The following NME7 variants were observed in gnomAD, a reference collection of about 807,000 sequenced individuals.
NME7 encodes nucleoside diphosphate kinase 7.
A neutral mutation model predicts 49.1 loss-of-function variants in NME7; 41 were observed. The ratio of observed to expected loss-of-function variants is 0.83; its 90% CI spans 0.65 to 1.08. NME7 has a LOEUF of 1.08. NME7 is among the 50% of genes least tolerant of loss of function. The pLI is 0.00. For missense variants in NME7, 423 were observed against 463.4 expected, an observed-to-expected ratio of 0.91 and a Z score of 0.80; for synonymous variants, 139 against 150.6, an observed-to-expected ratio of 0.92 and a Z score of 0.56.
chr1:169,342,997 G>GTATA (rs35893899), intron 1 of NME7, among the ~76,000 whole-genome samples: 1,799 of 44,234 alleles, frequency 0.041, 408 homozygotes, highest in African/African-American at 0.067. Flanking sequence ...ACTTGTATTA[G>GTATA]TATATATATA....
chr1:169,176,852 A>AATGT (rs1301529360), intron 10 of NME7, among the ~76,000 whole-genome samples: 1 of 152,186 alleles, frequency 6.6e-6, no homozygotes, highest in Non-Finnish European at 1.5e-5. Context: ...AAAAACTACA[A>AATGT]AGATTCACAT....
intron 7 of NME7, among the ~76,000 whole-genome samples, chr1:169,264,578 A>G (rs1355637132): frequency 7.5e-6 from 1 of 133,672 alleles, no homozygotes; most frequent in South Asian, 2.3e-4. Context: ...TCCTAAATCT[A>G]TAGGCACCCA....
At chr1:169,358,547 A>T (rs941487214) in intron 1 of NME7, among the ~76,000 whole-genome samples, 1 of 152,110 alleles carries the variant, frequency 6.6e-6, no homozygotes, top group Non-Finnish European at 1.5e-5. Context: ...CCAACTTAAT[A>T]TTCTTCACTA....
intron 10 of NME7, among the ~76,000 whole-genome samples, chr1:169,181,400 CAT>C (rs1466562580): frequency 4.4e-4 from 63 of 141,956 alleles, no homozygotes; most frequent in African/African-American, 8.4e-4. Context: ...CACACACACA[CAT>C]ATATACACAC....
chr1:169,241,366 G>C (rs555152538), intron 7 of NME7, among the ~76,000 whole-genome samples: 69 of 151,776 alleles, frequency 4.5e-4, no homozygotes, highest in Non-Finnish European at 8.4e-4. Flanking sequence ...TGCACCATCA[G>C]TGCAAATGAC....
intron 11 of NME7, among the ~76,000 whole-genome samples, chr1:169,153,189 ATAATAGAAACTATT>A (rs1232862213): frequency 6.6e-6 from 1 of 152,082 alleles, no homozygotes; most frequent in Non-Finnish European, 1.5e-5. Flanking sequence ...TAAAATGGAG[ATAATAGAAACTATT>A]CAACAGAGTT....
At chr1:169,323,014 G>T (rs749253133) in intron 3 of NME7, 103 bp downstream of exon 3, 122 of 864,854 alleles carry the variant, frequency 1.4e-4, no homozygotes, top group Non-Finnish European at 1.4e-4. Flanking sequence ...CATTTTCCAG[G>T]TCCTATCCAT....
intron 10 of NME7, among the ~76,000 whole-genome samples, chr1:169,213,897 A>G (rs1234864852): frequency 6.6e-6 from 1 of 152,020 alleles, no homozygotes; most frequent in Non-Finnish European, 1.5e-5. Flanking sequence ...GCTAATTTCC[A>G]GTTAATAGGT....
At chr1:169,136,480 T>G (rs951603832) in intron 11 of NME7, among the ~76,000 whole-genome samples, 1 of 152,160 alleles carries the variant, frequency 6.6e-6, no homozygotes, top group South Asian at 2.1e-4. Context: ...TACCCAGCAC[T>G]GACAATGAAA....
chr1:169,255,579 G>T (rs1648891773), intron 7 of NME7, among the ~76,000 whole-genome samples: 1 of 127,050 alleles, frequency 7.9e-6, no homozygotes, highest in South Asian at 2.5e-4. Flanking sequence ...AGTTAATATT[G>T]TTATGTGTGA....
At chr1:169,255,308 C>T (rs1488147125) in intron 7 of NME7, among the ~76,000 whole-genome samples, 1 of 137,952 alleles carries the variant, frequency 7.2e-6, no homozygotes, top group African/African-American at 2.6e-5. Context: ...ATCCCTTTAC[C>T]ATTATGTAAT....
chr1:169,161,629 C>G (rs1026117966), intron 11 of NME7, among the ~76,000 whole-genome samples: 4 of 152,204 alleles, frequency 2.6e-5, no homozygotes, highest in African/African-American at 9.7e-5. Flanking sequence ...CTGACTCCAT[C>G]TTGCTTCTGG....
In NME7 at chr1:169,332,335, T is replaced by C. The variant is rs915473268; in HGVS notation, c.4-7835A>G. ...AAAATAAAATAAAAATGGATTAAAGTCTTAAATCTAAGACCTCAAACTATG... is the reference window on the plus strand; with the variant it reads ...AAAATAAAATAAAAATGGATTAAAGCCTTAAATCTAAGACCTCAAACTATG... On this transcript the variant is annotated intron_variant, in intron 1 of 11. Transcript: ENST00000367811. Among the ~76,000 whole-genome samples, 13 of 152,182 alleles carry C rather than the reference T, an allele frequency of 8.5e-5. No homozygotes were observed. In the East Asian group the frequency reaches 2.5e-3, roughly 29 times the overall value.
rs574571813 is a variant in NME7, at chr1:169,197,705, A to T, written c.991-28151T>A. ...TCCTTACCTCACACCATATACAAAAATTCACTCAAAATGAATAAAAGGCCT... is the reference window on the plus strand; with the variant it reads ...TCCTTACCTCACACCATATACAAAATTTCACTCAAAATGAATAAAAGGCCT... On this transcript the variant is annotated intron_variant, in intron 10 of 11. Transcript: ENST00000367811. Among the ~76,000 whole-genome samples, 26 of 152,286 alleles carry T rather than the reference A, an allele frequency of 1.7e-4. No individual in the cohort carries two copies. In the South Asian group the frequency reaches 4.8e-3, roughly 28 times the overall value.
chr1:169,316,122 C>G (rs979193459), intron 3 of NME7, among the ~76,000 whole-genome samples: 1 of 151,690 alleles, frequency 6.6e-6, no homozygotes, highest in South Asian at 2.1e-4. Context: ...GGTTGATATG[C>G]AAGAAAAATT....
intron 11 of NME7, among the ~76,000 whole-genome samples, chr1:169,152,230 A>ACAT (rs1658934171): frequency 8.1e-6 from 1 of 123,154 alleles, no homozygotes; most frequent in Non-Finnish European, 1.8e-5. Context: ...TAATTTAAAA[A>ACAT]GATAATAATA....
intron 1 of NME7, among the ~76,000 whole-genome samples, chr1:169,352,758 T>C (rs146307544): frequency 0.013 from 1,923 of 152,220 alleles, 24 homozygotes; most frequent in Middle Eastern, 0.024. Context: ...CATTTCTATA[T>C]GCCAACAGTG....
intron 7 of NME7, among the ~76,000 whole-genome samples, chr1:169,251,157 G>A (rs909012239): frequency 1.3e-5 from 2 of 152,032 alleles, no homozygotes; most frequent in Non-Finnish European, 2.9e-5. Flanking sequence ...GGGAGCTCCA[G>A]TGTTAAGTGT....
At chr1:169,276,125 C>G (rs1250497850) in intron 7 of NME7, among the ~76,000 whole-genome samples, 1 of 134,094 alleles carries the variant, frequency 7.5e-6, no homozygotes, top group African/African-American at 2.5e-5. Context: ...CAATGTTCAT[C>G]AAGGATATTG....
Sources: allele counts gnomAD v4.1 joint callset (sites outside exome capture counted in the v4.1 genomes callset), GRCh38; gene constraint gnomAD v4.1.1; transcripts MANE v1.5; gene names NCBI Gene and HGNC (gene_info 2026-07-23, HGNC 2026-07-21).